TMEM231: variants seen among roughly 807,000 people sequenced by gnomAD.
TMEM231 encodes the protein transmembrane protein 231.
A neutral mutation model predicts 38.5 loss-of-function variants in TMEM231; 40 were observed. The observed-to-expected ratio is 1.04, with a 90% CI of 0.81 to 1.35. The LOEUF is 1.35. Among genes scored for constraint, TMEM231 ranks in the 40% most tolerant of loss-of-function variants. The pLI is 0.00. For missense variants in TMEM231, 420 were observed against 416.9 expected (o/e 1.01, Z -0.07); for synonymous variants, 199 against 181.7 (o/e 1.10, Z -0.77).
intron 2 of TMEM231, chr16:75,555,131 G>C (rs926920557): frequency 3.3e-5 from 5 of 152,282 alleles, no homozygotes; most frequent in Admixed American, 2.6e-4. Flanking sequence ...GGAAGCATTC[G>C]CTTATCTCAA....
intron 2 of TMEM231, among the ~76,000 whole-genome samples, chr16:75,549,968 CAA>C (rs1222965506): frequency 1.3e-5 from 2 of 152,170 alleles, no homozygotes; most frequent in Non-Finnish European, 2.9e-5. Flanking sequence ...CTCAGCCTCC[CAA>C]AGTGCTGGGA....
chr16:75,547,152 A>C (rs552835393), intron 2 of TMEM231, among the ~76,000 whole-genome samples: 1 of 152,192 alleles, frequency 6.6e-6, no homozygotes, highest in Non-Finnish European at 1.5e-5. Flanking sequence ...TTTTGCTACA[A>C]CTGATCCTTT....
At chr16:75,544,658 C>T (rs1423550755) in intron 4 of TMEM231, among the ~76,000 whole-genome samples, 1 of 152,282 alleles carries the variant, frequency 6.6e-6, no homozygotes, top group Middle Eastern at 3.4e-3. Flanking sequence ...TTCTGAAATA[C>T]TTTACATGAA....
At chr16:75,546,209 A>G in intron 2 of TMEM231, 2 of 1,026,490 alleles carry the variant, frequency 1.9e-6, no homozygotes, top group Non-Finnish European at 2.8e-6. Flanking sequence ...AACAAAAAAC[A>G]TCTGGATAGT....
At chr16:75,542,573 C>A (rs376196487) in intron 5 of TMEM231, 29 bp downstream of exon 5, 2 of 1,597,362 alleles carry the variant, frequency 1.3e-6, no homozygotes, top group East Asian at 4.5e-5. Context: ...TCCTGAGCAG[C>A]GGCTGAATGG....
At chr16:75,554,022 C>T (rs1354750754) in intron 2 of TMEM231, among the ~76,000 whole-genome samples, 1 of 152,114 alleles carries the variant, frequency 6.6e-6, no homozygotes. Flanking sequence ...TTCTCATTAC[C>T]CCCAATAGAG....
chr16:75,548,490 TC>T (rs2080719453), intron 2 of TMEM231, among the ~76,000 whole-genome samples: 1 of 152,088 alleles, frequency 6.6e-6, no homozygotes, highest in South Asian at 2.1e-4. Context: ...GGGCATACAT[TC>T]CCGATGGACA....
intron 2 of TMEM231, among the ~76,000 whole-genome samples, chr16:75,548,465 G>A (rs960770273): frequency 1.3e-5 from 2 of 152,168 alleles, no homozygotes; most frequent in Admixed American, 6.5e-5. Context: ...AATAGACAAA[G>A]TCCCCATCCT....
Position 75,541,414 on chromosome 16 carries a change from C to A in TMEM231, c.706G>T (p.Gly236Cys), listed in dbSNP as rs765968316. 9 of 1,612,136 alleles carry A rather than the reference C, an allele frequency of 5.6e-6. No homozygotes were observed. The South Asian group carries it at 9.9e-5, about 18-fold the overall frequency. Residue 236 changes from glycine to cysteine, a missense_variant, in exon 6 of 7, where the codon GGC (glycine) becomes TGC (cysteine). Transcript: ENST00000258173. Reference protein sequence around the residue: ...LNDPNPIWLVGRAADAPFVIN... With the variant: ...LNDPNPIWLVCRAADAPFVIN... ...ACAAATGGAGCATCTGCGGCCCTGC[C>A]CACCAGCCAGATGGGGTTGGGATCA...
intron 4 of TMEM231, among the ~76,000 whole-genome samples, chr16:75,544,949 CTTTTTTTTTTT>C (rs71134720): frequency 1.0e-4 from 9 of 89,622 alleles, no homozygotes; most frequent in Admixed American, 9.6e-4. Context: ...TTTTCTTTTT[CTTTTTTTTTTT>C]TTTTTTTTTT....
Sources: allele counts gnomAD v4.1 joint callset (sites outside exome capture counted in the v4.1 genomes callset), GRCh38; gene constraint gnomAD v4.1.1; transcripts MANE v1.5; gene names NCBI Gene and HGNC (gene_info 2026-07-23, HGNC 2026-07-21).